MARCHF10: variants seen among roughly 807,000 people sequenced by gnomAD.
The protein encoded by MARCHF10 is probable E3 ubiquitin-protein ligase MARCHF10.
Under a neutral mutation model 76.2 loss-of-function variants are expected in MARCHF10, and 64 were observed. The ratio of observed to expected loss-of-function variants is 0.84; its 90% CI spans 0.69 to 1.03. The LOEUF (loss-of-function observed/expected upper bound fraction) is 1.03, where lower values mean the gene tolerates loss of function less well. Ranked by LOEUF, MARCHF10 falls within the 50% of genes least tolerant of loss-of-function variation. The probability of loss-of-function intolerance (pLI) is 0.00; values close to 1 mark genes in which losing one functional copy is unlikely to be tolerated. For synonymous variants in MARCHF10, 340 were observed against 357.5 expected (o/e 0.95, Z 0.55); for missense variants, 875 against 958.0 (o/e 0.91, Z 1.14).
chr17:62,735,930 C>A lies in MARCHF10; in HGVS notation c.1937+1G>T, dbSNP rs1443190011. The A allele has an allele frequency of 1.9e-6, 3 of 1,594,458 alleles. No individual in the cohort carries two copies. On this transcript the variant is annotated splice_donor_variant, in intron 6 of 10. Transcript: ENST00000311269. LOFTEE classifies it high-confidence loss of function. ...AATATATAATTATGAAAAGTCCTCACCTTTCTTGCAATTTCTTGAGTTTCT... is the reference window on the plus strand; with the variant it reads ...AATATATAATTATGAAAAGTCCTCAACTTTCTTGCAATTTCTTGAGTTTCT...
chr17:62,759,839 A>G lies in MARCHF10; in HGVS notation c.378T>C (p.Ser126=). The change falls in exon 4 of 11, where the codon TCT becomes TCC. Residue 126 remains serine (S), a synonymous_variant. Coordinates refer to ENST00000311269, the MANE Select transcript of MARCHF10 (RefSeq NM_152598.4). ...TTCAATAAGCCAGCCACTCACCTGG[A>G]GAGGGTTCGCTGGGGTCCACTTTCT... ...KAEKVDPSEP[S]PADQAPMVLL... is the part of the protein sequence containing the mutation. 2 of 1,613,708 alleles carry G rather than the reference A, an allele frequency of 1.2e-6. No homozygotes were observed. The highest frequency in any genetic ancestry group is 1.7e-6 in the Non-Finnish European group (2 of 1,179,858).
intron 3 of MARCHF10, among the ~76,000 whole-genome samples, chr17:62,782,420 T>C (rs1023098596): frequency 2.0e-5 from 3 of 146,380 alleles, no homozygotes; most frequent in African/African-American, 7.8e-5. Context: ...CGATCTCAGC[T>C]TACTGCAATC....
At chr17:62,753,263 C>T (rs527495827) in intron 4 of MARCHF10, among the ~76,000 whole-genome samples, 1 of 152,246 alleles carries the variant, frequency 6.6e-6, no homozygotes, top group South Asian at 2.1e-4. Flanking sequence ...CGCACCACTA[C>T]ATCTGGCTAA....
intron 6 of MARCHF10, among the ~76,000 whole-genome samples, chr17:62,729,435 G>T (rs143148002): frequency 1.4e-5 from 2 of 145,560 alleles, no homozygotes; most frequent in East Asian, 4.0e-4. Context: ...TTGAAAAGAG[G>T]GTAACAAAGA....
intron 3 of MARCHF10, among the ~76,000 whole-genome samples, chr17:62,783,947 A>C (rs1201677586): frequency 1.3e-5 from 2 of 152,226 alleles, no homozygotes; most frequent in Non-Finnish European, 2.9e-5. Flanking sequence ...CCAGAGGTAC[A>C]AAGAGGAGCT....
chr17:62,798,608 G>A (rs908618965), intron 2 of MARCHF10, among the ~76,000 whole-genome samples: 2 of 152,138 alleles, frequency 1.3e-5, no homozygotes, highest in African/African-American at 2.4e-5. Flanking sequence ...GGAGGTGATG[G>A]TCGGGCTGAA....
chr17:62,749,883 G>A (rs2286568), intron 4 of MARCHF10: 78,614 of 152,160 alleles, frequency 0.52, 21,412 homozygotes, highest in East Asian at 0.7. Context: ...CATAGCCAAG[G>A]GTATGATCAG....
At chr17:62,807,989 C>A (rs1382167716) in intron 1 of MARCHF10, 88 bp downstream of exon 1, 1 of 152,238 alleles carries the variant, frequency 6.6e-6, no homozygotes, top group Non-Finnish European at 1.5e-5. Context: ...GGCCCGGTTT[C>A]CCTCCAGAAT....
rs766631880 is a variant in MARCHF10 at position 62,736,854 on chromosome 17, A to G, written c.1014T>C (p.Asn338=). The change falls in exon 6 of 11, where the codon AAT becomes AAC. Residue 338 remains asparagine (N), a synonymous_variant. Coordinates refer to ENST00000311269, the MANE Select transcript of MARCHF10 (RefSeq NM_152598.4). ...KNKNFEENAE[N]CRGHSSRRSE... The stretch of plus-strand genomic sequence containing the variant: ...TTCTTCTTGAAGAATGACCTCTGCA[A>G]TTTTCAGCATTTTCTTCAAAATTTT... The G allele has an allele frequency of 1.9e-6, 3 of 1,613,894 alleles. No homozygotes were observed. The East Asian group carries it at 6.7e-5, about 36-fold the overall frequency.
Position 62,808,067 on chromosome 17 carries a change from G to C in MARCHF10, c.-18+10C>G, listed in dbSNP as rs1397394924. ...CTGGAGCGGAGCGGCGGGGGCGAGG[G>C]GGCCGTTACCTGTGGGTCTGCCCTT... On this transcript the variant is annotated intron_variant, in intron 1 of 10. Coordinates refer to ENST00000311269, the MANE Select transcript of MARCHF10 (RefSeq NM_152598.4). 1 of 152,032 alleles carries C rather than the reference G, an allele frequency of 6.6e-6. No homozygotes were observed. The highest frequency in any genetic ancestry group is 1.5e-5 in the Non-Finnish European group (1 of 68,116). 9.4% of individuals were successfully genotyped at this position (152,032 alleles called of 1,614,324 possible). A position where few individuals can be genotyped will look rare whatever the true frequency, so the allele number is the denominator to read the frequency against.
intron 6 of MARCHF10, among the ~76,000 whole-genome samples, chr17:62,729,031 TG>T (rs2090892942): frequency 6.6e-6 from 1 of 152,230 alleles, no homozygotes; most frequent in African/African-American, 2.4e-5. Context: ...TGCCACCTCC[TG>T]GGCTCAAAGT....
At position 62,789,081 on chromosome 17, in the gene MARCHF10, A is replaced by AC. The variant is rs1459090386; in HGVS notation, c.91-483_91-482insG. On this transcript the variant is annotated intron_variant, in intron 2 of 10. Coordinates refer to ENST00000311269, the MANE Select transcript of MARCHF10 (RefSeq NM_152598.4). Reference sequence around the variant, plus strand: ...CGAGACTCCGTCTCAAAAAAAAAAAAAAAAAAAAAAAAACGCAGGTCAGAC... The same window carrying AC: ...CGAGACTCCGTCTCAAAAAAAAAAAACAAAAAAAAAAAAACGCAGGTCAGAC... Among the ~76,000 whole-genome samples, 63 of 150,396 alleles carry AC rather than the reference A, an allele frequency of 4.2e-4. No individual in the cohort carries two copies. In the East Asian group the frequency reaches 1.0e-2, roughly 24 times the overall value.
chr17:62,757,101 C>T (rs2092068522), intron 4 of MARCHF10, among the ~76,000 whole-genome samples: 1 of 152,042 alleles, frequency 6.6e-6, no homozygotes, highest in Non-Finnish European at 1.5e-5. Context: ...CATAGATTTG[C>T]AGTGAGTCGA....
intron 4 of MARCHF10, among the ~76,000 whole-genome samples, chr17:62,758,724 T>C (rs189955072): frequency 6.6e-6 from 1 of 152,344 alleles, no homozygotes; most frequent in Admixed American, 6.5e-5. Flanking sequence ...AAGACTTAAC[T>C]GGATGGGTGG....
chr17:62,733,939 T>C (rs535652273), intron 6 of MARCHF10, among the ~76,000 whole-genome samples: 1 of 152,232 alleles, frequency 6.6e-6, no homozygotes, highest in East Asian at 1.9e-4. Flanking sequence ...ATCCAGGACT[T>C]TGGGAGGCCA....
At chr17:62,704,530 T>C (rs929631306) in intron 10 of MARCHF10, among the ~76,000 whole-genome samples, 1 of 152,250 alleles carries the variant, frequency 6.6e-6, no homozygotes, top group Admixed American at 6.5e-5. Context: ...TTCTCTAGGG[T>C]CGTAATCTGG....
At chr17:62,733,206 C>T (rs971580731) in intron 6 of MARCHF10, among the ~76,000 whole-genome samples, 15 of 151,872 alleles carry the variant, frequency 9.9e-5, no homozygotes, top group East Asian at 5.8e-4. Context: ...TGCTTGTAAT[C>T]GCAGCATTTT....
intron 3 of MARCHF10, among the ~76,000 whole-genome samples, chr17:62,760,561 A>T (rs963973710): frequency 6.6e-6 from 1 of 152,218 alleles, no homozygotes; most frequent in Non-Finnish European, 1.5e-5. Flanking sequence ...AGTCAGTATA[A>T]ATCTATGCAT....
At chr17:62,702,089 A>G (rs2089274869) in intron 10 of MARCHF10, among the ~76,000 whole-genome samples, 1 of 152,180 alleles carries the variant, frequency 6.6e-6, no homozygotes, top group Non-Finnish European at 1.5e-5. Flanking sequence ...GTAAGGCCCC[A>G]CTTGAACCCC....
Sources: gnomAD v4.1 joint callset for allele counts (sites outside exome capture counted in the v4.1 genomes callset) on GRCh38, gnomAD v4.1.1 for gene constraint, MANE v1.5 for transcripts, NCBI Gene and HGNC (gene_info 2026-07-23, HGNC 2026-07-21) for gene names.